FSIP2: variants seen among roughly 807,000 people sequenced by gnomAD.
FSIP2 encodes the protein fibrous sheath-interacting protein 2.
A neutral mutation model predicts 510.5 loss-of-function variants in FSIP2; 367 were observed. The observed-to-expected ratio is 0.72, with a 90% CI of 0.66 to 0.78. FSIP2 has a LOEUF of 0.78. Ranked by LOEUF, FSIP2 falls within the 30% of genes least tolerant of loss-of-function variation. FSIP2 has a pLI of 0.00. For synonymous variants in FSIP2, 2,601 were observed against 2,732.2 expected (o/e 0.95, Z 1.50); for missense variants, 7,594 against 7,901.7 (o/e 0.96, Z 1.48).
At position 185,804,798 on chromosome 2, in the gene FSIP2, A is replaced by G; in HGVS notation, c.15492A>G (p.Glu5164=). 7 of 1,532,920 alleles carry G rather than the reference A, an allele frequency of 4.6e-6. No homozygotes were observed. Among genetic ancestry groups the G allele is most frequent in the Non-Finnish European group, 6.1e-6 (7 of 1,144,862 alleles). The allele number at this position is 1,532,920 out of a possible 1,614,324, so 95.0% of individuals were successfully genotyped here. A position where few individuals can be genotyped will look rare whatever the true frequency, so the allele number is the denominator to read the frequency against. Residue 5164 remains glutamate, a synonymous_variant, in exon 17 of 23, where the codon GAA becomes GAG. Transcript: ENST00000424728. The part of the protein sequence containing the change: ...ASKLTDEIIK[E]ISEHEIRLSM... ...AATTGACTGATGAAATTATAAAAGA[A>G]ATTTCTGAACATGAGATTCGACTTT... is the stretch of plus-strand genomic sequence containing the variant.
intron 2 of FSIP2, among the ~76,000 whole-genome samples, chr2:185,742,007 G>A (rs1163896800): frequency 2.0e-5 from 3 of 152,108 alleles, no homozygotes; most frequent in Admixed American, 1.3e-4. Flanking sequence ...TAGTGTTGTT[G>A]TGGTAGTATA....
chr2:185,745,529 CTG>C lies in FSIP2; in HGVS notation c.579_580del (p.Glu194IlefsTer3). 2 of 1,535,688 alleles carry C rather than the reference CTG, an allele frequency of 1.3e-6. No homozygotes were observed. Among genetic ancestry groups the C allele is most frequent in the Non-Finnish European group, 1.7e-6 (2 of 1,146,556 alleles). On this transcript the variant is annotated frameshift_variant, in exon 5 of 23. Transcript: ENST00000424728. LOFTEE classifies it high-confidence loss of function. The stretch of plus-strand genomic sequence containing the variant: ...CAAAACTGGTTGTTAAAGGAGGGCA[CTG>C]AATCTATTAAGGACCAGGAGCGGCT...
chr2:185,832,541 C>A (rs985958131), intron 22 of FSIP2, among the ~76,000 whole-genome samples: 96 of 151,726 alleles, frequency 6.3e-4, no homozygotes, highest in Admixed American at 1.4e-3. Flanking sequence ...TATTAAGTAT[C>A]AGAAAAGTAT....
Position 185,791,633 on chromosome 2 carries a change from C to G in FSIP2, c.4497C>G (p.Asp1499Glu). 2.0e-6 allele frequency: 3 copies of G among 1,534,028 alleles called. No homozygotes were observed. In the African/African-American group the frequency reaches 4.1e-5, roughly 21 times the overall value. ...TCCTTGCAAAATTATGTGGTGTTGACATGGATACCAGTTTTGCAAGTTGTG... is the reference window on the plus strand; with the variant it reads ...TCCTTGCAAAATTATGTGGTGTTGAGATGGATACCAGTTTTGCAAGTTGTG... ...DYILAKLCGVDMDTSFASCGL... is the reference protein window; with the variant it reads ...DYILAKLCGVEMDTSFASCGL... The change falls in exon 16 of 23, where the codon GAC becomes GAG. Residue 1499 changes from aspartate to glutamate, a missense_variant. By Grantham distance (45) the Asp-to-Glu change is conservative. Coordinates refer to ENST00000424728, the MANE Select transcript of FSIP2 (RefSeq NM_173651.4).
In FSIP2 at chr2:185,804,517, C is replaced by G; in HGVS notation, c.15211C>G (p.Gln5071Glu). 6.6e-7 allele frequency: 1 copy of G among 1,515,084 alleles called. No individual in the cohort carries two copies. Among genetic ancestry groups the G allele is most frequent in the Non-Finnish European group, 8.8e-7 (1 of 1,136,884 alleles). 93.9% of individuals were successfully genotyped at this position (1,515,084 alleles called of 1,614,324 possible). ...LLEEIYDYQV[Q>E]SLVSGELESS... ...GGAAGAAATATATGATTATCAAGTG[C>G]AGTCATTAGTTTCAGGAGAATTAGA... is the stretch of plus-strand genomic sequence containing the variant. Residue 5071 changes from glutamine to glutamate, a missense_variant, in exon 17 of 23, where the codon CAG becomes GAG. Physicochemically the swap from Gln to Glu is conservative, Grantham distance 29. Transcript: ENST00000424728.
Position 185,833,237 on chromosome 2 carries a change from C to T in FSIP2, c.*11C>T, listed in dbSNP as rs756928012. ...CAGGATGAACACTGAAGCTTTTGTA[C>T]CTGATATAAGTATGCTTACTTCTTT... is the stretch of plus-strand genomic sequence containing the variant. On this transcript the variant is annotated 3_prime_UTR_variant, in exon 23 of 23. Coordinates refer to ENST00000424728, the MANE Select transcript of FSIP2 (RefSeq NM_173651.4). 1.3e-5 allele frequency: 21 copies of T among 1,597,440 alleles called. No homozygotes were observed. Among genetic ancestry groups the T allele is most frequent in the Admixed American group, 5.3e-5 (3 of 57,010 alleles).
intron 9 of FSIP2, among the ~76,000 whole-genome samples, chr2:185,759,497 T>C (rs59153366): frequency 0.19 from 26,865 of 145,036 alleles, 2,828 homozygotes; most frequent in Non-Finnish European, 0.23. Flanking sequence ...ATTTATATTA[T>C]ATTATTTACA....
In FSIP2 at chr2:185,795,095, G is replaced by T; in HGVS notation, c.7959G>T (p.Lys2653Asn). Residue 2653 changes from lysine (K) to asparagine (N), a missense_variant, in exon 16 of 23, where the codon AAG becomes AAT. Physicochemically the swap from Lys to Asn is moderately conservative, Grantham distance 94. Coordinates refer to ENST00000424728, the MANE Select transcript of FSIP2 (RefSeq NM_173651.4). Reference sequence around the variant, plus strand: ...CACTTCCTTTAAAGGTGAGCCCTAAGGACAACCCTAAGCCATGCTTTAAAG... The same window carrying T: ...CACTTCCTTTAAAGGTGAGCCCTAATGACAACCCTAAGCCATGCTTTAAAG... Reference protein sequence around the residue: ...FVSLPLKVSPKDNPKPCFKAH... With the variant: ...FVSLPLKVSPNDNPKPCFKAH... The T allele has an allele frequency of 1.3e-6, 2 of 1,534,860 alleles. No homozygotes were observed. Among genetic ancestry groups the T allele is most frequent in the Non-Finnish European group, 1.7e-6 (2 of 1,146,126 alleles).
At chr2:185,744,447 G>T (rs1691984623) in intron 4 of FSIP2, 36 bp downstream of exon 4, 2 of 497,448 alleles carry the variant, frequency 4.0e-6, no homozygotes, top group Admixed American at 4.4e-5. Context: ...TATTTACATA[G>T]AGTTTGGAAG....
chr2:185,746,523 ACAGG>A, intron 5 of FSIP2, 142 bp from the exon 6 acceptor site: 2 of 595,010 alleles, frequency 3.4e-6, no homozygotes, highest in Non-Finnish European at 5.6e-6. Context: ...AGGTTTATAA[ACAGG>A]ACTGACAGAA....
intron 19 of FSIP2, among the ~76,000 whole-genome samples, chr2:185,820,747 GAAA>G (rs1235205279): frequency 4.0e-5 from 6 of 151,298 alleles, no homozygotes; most frequent in Non-Finnish European, 8.9e-5. Flanking sequence ...GGTCAAAGAA[GAAA>G]TAATGAGGGA....
At chr2:185,745,642 T>A in intron 5 of FSIP2, 74 bp downstream of exon 5, 1 of 1,298,352 alleles carries the variant, frequency 7.7e-7, no homozygotes, top group Non-Finnish European at 1.0e-6. Flanking sequence ...TAGAAAGAAT[T>A]GAAGACAATT....
At position 185,808,189 on chromosome 2, in the gene FSIP2, AATTCT is replaced by A; in HGVS notation, c.18884_18888del (p.Asn6295ArgfsTer31). 6.2e-7 allele frequency: 1 copy of A among 1,611,858 alleles called. No individual in the cohort carries two copies. Among genetic ancestry groups the A allele is most frequent in the East Asian group, 2.2e-5 (1 of 44,736 alleles). ...CTTTTTAATGGTGAATGCAATTTCG[AATTCT>A]GAATTTCAACCTCAAGTAGAGGAAG... On this transcript the variant is annotated frameshift_variant, in exon 17 of 23. Transcript: ENST00000424728. LOFTEE classifies it high-confidence loss of function.
intron 20 of FSIP2, 86 bp downstream of exon 20, chr2:185,824,566 A>G (rs1693982095): frequency 1.3e-6 from 1 of 794,226 alleles, no homozygotes; most frequent in Non-Finnish European, 2.1e-6. Flanking sequence ...AAGTTAATAC[A>G]GGTTTTATGT....
Position 185,808,345 on chromosome 2 carries a change from C to T in FSIP2, c.19039C>T (p.Leu6347Phe), listed in dbSNP as rs751375926. 3 of 1,611,086 alleles carry T rather than the reference C, an allele frequency of 1.9e-6. No individual in the cohort carries two copies. The highest frequency in any genetic ancestry group is 3.4e-5 in the Admixed American group (2 of 59,632). The change falls in exon 17 of 23, where the codon CTT (leucine) becomes TTT (phenylalanine). Residue 6347 changes from leucine to phenylalanine, a missense_variant. Coordinates refer to ENST00000424728, the MANE Select transcript of FSIP2 (RefSeq NM_173651.4). ...AAAAGGTTTGACATTAGATGCCAAACTTTTAGAAGAGGTGTTGGCCTTGTT... is the reference window on the plus strand; with the variant it reads ...AAAAGGTTTGACATTAGATGCCAAATTTTTAGAAGAGGTGTTGGCCTTGTT... Reference protein sequence around the residue: ...SRKGLTLDAKLLEEVLALFLA... With the variant: ...SRKGLTLDAKFLEEVLALFLA...
In FSIP2 at chr2:185,824,475, TAGA is replaced by T; in HGVS notation, c.20471_20473del (p.Glu6825del). 1 of 1,579,578 alleles carries T rather than the reference TAGA, an allele frequency of 6.3e-7. No individual in the cohort carries two copies. Among genetic ancestry groups the T allele is most frequent in the South Asian group, 1.2e-5 (1 of 85,650 alleles). ...CACTCAGACCCAAGTGCTAAAATAT[TAGA>T]AGGTTGGACTCCTTTTTCTTAAATT... On this transcript the variant is annotated inframe_deletion and splice_region_variant, in exon 20 of 23. Coordinates refer to ENST00000424728, the MANE Select transcript of FSIP2 (RefSeq NM_173651.4).
chr2:185,802,392 C>T lies in FSIP2; in HGVS notation c.13086C>T (p.Phe4362=). The T allele has an allele frequency of 6.5e-7, 1 of 1,532,724 alleles. No homozygotes were observed. Among genetic ancestry groups the T allele is most frequent in the Non-Finnish European group, 8.7e-7 (1 of 1,145,076 alleles). The allele number at this position is 1,532,724 out of a possible 1,614,324, so 94.9% of individuals were successfully genotyped here. ...HILYDDKEQA[F]FSFNTDIVDE... is the part of the protein sequence containing the mutation. ...TCTATGATGACAAAGAACAGGCTTT[C>T]TTTTCTTTCAATACAGATATTGTGG... Residue 4362 remains phenylalanine, a synonymous_variant, in exon 17 of 23, where the codon TTC becomes TTT. Coordinates refer to ENST00000424728, the MANE Select transcript of FSIP2 (RefSeq NM_173651.4).
At chr2:185,823,400 T>C (rs1693961497) in intron 19 of FSIP2, among the ~76,000 whole-genome samples, 1 of 151,754 alleles carries the variant, frequency 6.6e-6, no homozygotes, top group South Asian at 2.1e-4. Context: ...TGCAAAGGAC[T>C]TGAATAGGCA....
Position 185,808,972 on chromosome 2 carries a change from C to T in FSIP2, c.19666C>T (p.Gln6556Ter). ...IKTQPLEKLK[Q>*]ECLKRTGHSI... is the part of the protein sequence containing the mutation. ...AACTCAACCTCTTGAGAAACTTAAG[C>T]AGGAGTGTTTGAAAAGAACTGGACA... is the stretch of plus-strand genomic sequence containing the variant. Residue 6556 changes from glutamine (Q) to a stop codon, truncating the protein, a stop_gained, in exon 17 of 23, where the codon CAG becomes TAG. Transcript: ENST00000424728. LOFTEE classifies it high-confidence loss of function. 1 of 1,611,698 alleles carries T rather than the reference C, an allele frequency of 6.2e-7. No homozygotes were observed. The highest frequency in any genetic ancestry group is 8.5e-7 in the Non-Finnish European group (1 of 1,179,176).
Sources: allele counts gnomAD v4.1 joint callset (sites outside exome capture counted in the v4.1 genomes callset), GRCh38; gene constraint gnomAD v4.1.1; transcripts MANE v1.5; gene names NCBI Gene and HGNC (gene_info 2026-07-23, HGNC 2026-07-21).